PCDHGC4: variants seen among roughly 807,000 people sequenced by gnomAD.
The protein encoded by PCDHGC4 is protocadherin gamma-C4.
Under a neutral mutation model 59.7 loss-of-function variants are expected in PCDHGC4, and 15 were observed. That is an observed-to-expected ratio of 0.25 (90% CI 0.17 to 0.39). The LOEUF is 0.39. Among genes scored for constraint, PCDHGC4 ranks in the 10% least tolerant of loss-of-function variants. The probability of loss-of-function intolerance (pLI) is 1.00; values close to 1 mark genes in which losing one functional copy is unlikely to be tolerated. For synonymous variants in PCDHGC4, 434 were observed against 481.4 expected (o/e 0.90, Z 1.29); for missense variants, 1,016 against 1,189.5 (o/e 0.85, Z 2.15).
chr5:141,502,577 A>G (rs1260539435), intron 2 of PCDHGC4, among the ~76,000 whole-genome samples: 2 of 152,192 alleles, frequency 1.3e-5, no homozygotes, highest in African/African-American at 4.8e-5. Context: ...TTATAAAAAT[A>G]TATTTTTATA....
At chr5:141,500,241 C>T (rs1284996879) in intron 2 of PCDHGC4, among the ~76,000 whole-genome samples, 18 of 150,770 alleles carry the variant, frequency 1.2e-4, no homozygotes, top group Non-Finnish European at 1.5e-5. Flanking sequence ...CGTAGCCTTG[C>T]TCTGTCACCC....
Position 141,486,486 on chromosome 5 carries a change from A to G in PCDHGC4, c.1313A>G (p.His438Arg). The G allele has an allele frequency of 6.2e-7, 1 of 1,614,056 alleles. No individual in the cohort carries two copies. Among genetic ancestry groups the G allele is most frequent in the South Asian group, 1.1e-5 (1 of 91,084 alleles). ...GCTGGGAACCCTCCTCTCAGTACCC[A>G]CAGAACTATTTTCCTCAATATTTCA... The part of the protein sequence containing the change: ...SDAGNPPLST[H>R]RTIFLNISDV... The change falls in exon 1 of 4, where the codon CAC becomes CGC. Residue 438 changes from histidine to arginine, a missense_variant. By Grantham distance (29) the His-to-Arg change is conservative. Coordinates refer to ENST00000306593, the MANE Select transcript of PCDHGC4 (RefSeq NM_018928.3). The surrounding 1 kb of genome is among the most constrained non-coding windows in gnomAD (Gnocchi z 5.0).
rs765249445 is a variant in PCDHGC4, at chr5:141,489,754, C to T, written c.2442+2139C>T. ...CACCAATACTGTGAGCTTTTACACT[C>T]TAAGCCCCAACAGCCACTTCTCTCT... is the stretch of plus-strand genomic sequence containing the variant. On this transcript the variant is annotated intron_variant, in intron 1 of 3. Coordinates refer to ENST00000306593, the MANE Select transcript of PCDHGC4 (RefSeq NM_018928.3). The surrounding 1 kb of genome is among the most constrained non-coding windows in gnomAD (Gnocchi z 4.5). The T allele has an allele frequency of 4.0e-5, 64 of 1,613,992 alleles. No individual in the cohort carries two copies. The South Asian group carries it at 6.8e-4, about 17-fold the overall frequency.
In PCDHGC4 at chr5:141,512,243, C is replaced by T. The variant is rs1205585993; in HGVS notation, c.*1070C>T. ...AGGTCCCCTTGAGAGGTCAGAGGGG[C>T]CTCTGTGGGTGCTGGGTACTCCAGA... On this transcript the variant is annotated 3_prime_UTR_variant, in exon 4 of 4. Transcript: ENST00000306593. 2 of 152,728 alleles carry T rather than the reference C, an allele frequency of 1.3e-5. No homozygotes were observed. The highest frequency in any genetic ancestry group is 1.5e-5 in the Non-Finnish European group (1 of 68,138). 9.5% of individuals were successfully genotyped at this position (152,728 alleles called of 1,614,324 possible).
Position 141,486,092 on chromosome 5 carries a change from C to G in PCDHGC4, c.919C>G (p.Pro307Ala). ...TACTGGAAAGCTTACTCTTTTGGGG[C>G]CCCTAGACTTTGAGAGTGAGAATTA... ...PTTGKLTLLG[P>A]LDFESENYYE... The change falls in exon 1 of 4, where the codon CCC becomes GCC. Residue 307 changes from proline to alanine, a missense_variant. By Grantham distance (27) the Pro-to-Ala change is conservative. Transcript: ENST00000306593. The surrounding 1 kb of genome is among the most constrained non-coding windows in gnomAD (Gnocchi z 5.0). The G allele has an allele frequency of 6.2e-7, 1 of 1,614,148 alleles. No individual in the cohort carries two copies. Among genetic ancestry groups the G allele is most frequent in the South Asian group, 1.1e-5 (1 of 91,080 alleles).
At position 141,491,591 on chromosome 5, in the gene PCDHGC4, G is replaced by A. The variant is rs969259993; in HGVS notation, c.2443-3216G>A. 22 of 1,613,862 alleles carry A rather than the reference G, an allele frequency of 1.4e-5. No individual in the cohort carries two copies. The highest frequency in any genetic ancestry group is 1.8e-5 in the Non-Finnish European group (21 of 1,180,048). ...ACGTGCTTTTCACCGGCCTCGGACG[G>A]CAGTGACTTCACTTTTCTAAGACCC... On this transcript the variant is annotated intron_variant, in intron 1 of 3. Coordinates refer to ENST00000306593, the MANE Select transcript of PCDHGC4 (RefSeq NM_018928.3). This position sits in a 1 kb window ranked among gnomAD's most constrained non-coding sequence, Gnocchi z 6.9.
chr5:141,498,523 G>A (rs555386753), intron 2 of PCDHGC4, among the ~76,000 whole-genome samples: 1 of 151,580 alleles, frequency 6.6e-6, no homozygotes, highest in Admixed American at 6.6e-5. Context: ...CTTGCCCACT[G>A]CCCTCCAGCC....
chr5:141,495,449 G>T (rs1249221693), intron 2 of PCDHGC4, among the ~76,000 whole-genome samples: 1 of 152,194 alleles, frequency 6.6e-6, no homozygotes, highest in East Asian at 1.9e-4. Flanking sequence ...TACTTGTCCT[G>T]CTCTCTGTCT....
rs753202774 is a variant in PCDHGC4, at chr5:141,487,875, C to A, written c.2442+260C>A. 33 of 828,628 alleles carry A rather than the reference C, an allele frequency of 4.0e-5. No individual in the cohort carries two copies. Among genetic ancestry groups the A allele is most frequent in the Non-Finnish European group, 5.8e-5 (31 of 536,030 alleles). The allele number at this position is 828,628 out of a possible 1,614,324, so 51.3% of individuals were successfully genotyped here. A position where few individuals can be genotyped will look rare whatever the true frequency, so the allele number is the denominator to read the frequency against. The stretch of plus-strand genomic sequence containing the variant: ...AAGTAATTGGTGATCAAGAGCCAGG[C>A]TGTTGTGGAAGCATGATGATGGAAT... On this transcript the variant is annotated intron_variant, in intron 1 of 3. Coordinates refer to ENST00000306593, the MANE Select transcript of PCDHGC4 (RefSeq NM_018928.3). The surrounding 1 kb of genome is among the most constrained non-coding windows in gnomAD (Gnocchi z 5.0).
chr5:141,511,002 C>T lies in PCDHGC4; in HGVS notation c.2646C>T (p.Ser882=), dbSNP rs143630962. 77 of 1,614,140 alleles carry T rather than the reference C, an allele frequency of 4.8e-5. No individual in the cohort carries two copies. Among genetic ancestry groups the T allele is most frequent in the South Asian group, 2.1e-4 (19 of 91,080 alleles). ...GGGGTGCCGGCACCATGGGATTGAG[C>T]GCCCGCTACGGACCCCAGTTCACCC... The part of the protein sequence containing the change: ...LGGGAGTMGL[S]ARYGPQFTLQ... Residue 882 remains serine (S), a synonymous_variant, in exon 4 of 4, where the codon AGC becomes AGT. Coordinates refer to ENST00000306593, the MANE Select transcript of PCDHGC4 (RefSeq NM_018928.3).
chr5:141,494,756 A>G (rs780402065), intron 1 of PCDHGC4, 51 bp from the exon 2 acceptor site: 2 of 1,613,460 alleles, frequency 1.2e-6, no homozygotes, highest in South Asian at 1.1e-5. Context: ...CTCGGGTGAC[A>G]TTCTAACTTC....
chr5:141,499,233 C>A (rs1047984757), intron 2 of PCDHGC4, among the ~76,000 whole-genome samples: 2 of 152,116 alleles, frequency 1.3e-5, no homozygotes, highest in Non-Finnish European at 2.9e-5. Context: ...CAGCTGTCCC[C>A]AGCCTCTGCA....
intron 2 of PCDHGC4, among the ~76,000 whole-genome samples, chr5:141,495,902 C>T (rs749735668): frequency 2.6e-5 from 4 of 152,120 alleles, no homozygotes; most frequent in Non-Finnish European, 2.9e-5. Context: ...TTGTCTCTGT[C>T]TCTGTATATC....
rs781346812 is a variant in PCDHGC4, at chr5:141,489,773, T to A, written c.2442+2158T>A. 6.2e-7 allele frequency: 1 copy of A among 1,614,102 alleles called. No individual in the cohort carries two copies. The highest frequency in any genetic ancestry group is 8.5e-7 in the Non-Finnish European group (1 of 1,179,984). ...TACACTCTAAGCCCCAACAGCCACT[T>A]CTCTCTGAATGTGAAGACCCTAAAA... is the stretch of plus-strand genomic sequence containing the variant. On this transcript the variant is annotated intron_variant, in intron 1 of 3. Transcript: ENST00000306593. The surrounding 1 kb of genome is among the most constrained non-coding windows in gnomAD (Gnocchi z 4.5).
Position 141,485,932 on chromosome 5 carries a change from G to A in PCDHGC4, c.759G>A (p.Glu253=). The part of the protein sequence containing the change: ...QQSSYRISVL[E]SAPAGMVLIQ... ...CCAGCTACAGGATTAGTGTGTTGGA[G>A]AGCGCACCAGCGGGCATGGTGCTCA... Residue 253 remains glutamate (E), a synonymous_variant, in exon 1 of 4, where the codon GAG becomes GAA. Transcript: ENST00000306593. The surrounding 1 kb of genome is among the most constrained non-coding windows in gnomAD (Gnocchi z 5.7). The A allele has an allele frequency of 6.2e-7, 1 of 1,614,184 alleles. No homozygotes were observed. The highest frequency in any genetic ancestry group is 8.5e-7 in the Non-Finnish European group (1 of 1,180,042).
intron 2 of PCDHGC4, among the ~76,000 whole-genome samples, chr5:141,501,290 T>TACACATACAC (rs1224133816): frequency 4.6e-4 from 62 of 136,246 alleles, no homozygotes; most frequent in Admixed American, 7.0e-4. Flanking sequence ...TATTCCCTTA[T>TACACATACAC]ACACACACAC....
intron 2 of PCDHGC4, among the ~76,000 whole-genome samples, chr5:141,500,774 A>G (rs1479931234): frequency 6.6e-6 from 1 of 152,188 alleles, no homozygotes; most frequent in Non-Finnish European, 1.5e-5. Context: ...TCTTATGAAT[A>G]TACATATTAT....
At chr5:141,504,135 C>G (rs758903340) in intron 2 of PCDHGC4, among the ~76,000 whole-genome samples, 215 of 152,306 alleles carry the variant, frequency 1.4e-3, no homozygotes, top group Middle Eastern at 3.4e-3. Context: ...CCCGCCAACA[C>G]TCCCCTGCAA....
chr5:141,498,273 A>G (rs1595516143), intron 2 of PCDHGC4, among the ~76,000 whole-genome samples: 1 of 152,038 alleles, frequency 6.6e-6, no homozygotes, highest in East Asian at 1.9e-4. Flanking sequence ...TCTTCAGTAA[A>G]CTTGGTTCAA....
Sources: gnomAD v4.1 joint callset for allele counts (sites outside exome capture counted in the v4.1 genomes callset) on GRCh38, gnomAD v4.1.1 for gene constraint, Gnocchi (gnomAD v3.1) non-coding constraint, MANE v1.5 for transcripts, NCBI Gene and HGNC (gene_info 2026-07-23, HGNC 2026-07-21) for gene names.